Variants in TMEM209 observed in about 807,000 individuals in gnomAD.
The protein encoded by TMEM209 is testicular tissue protein Li 202.
TMEM209 carries 65 observed loss-of-function variants against 76.2 expected under a neutral mutation model. The ratio of observed to expected loss-of-function variants is 0.85; its 90% CI spans 0.70 to 1.05. The LOEUF (loss-of-function observed/expected upper bound fraction) is 1.05, where lower values mean the gene tolerates loss of function less well. Ranked by LOEUF, TMEM209 falls within the 50% of genes least tolerant of loss-of-function variation. The pLI is 0.00. For missense variants in TMEM209, 623 were observed against 685.5 expected, an observed-to-expected ratio of 0.91 and a Z score of 1.02; for synonymous variants, 239 against 237.6, an observed-to-expected ratio of 1.01 and a Z score of -0.06.
intron 6 of TMEM209, among the ~76,000 whole-genome samples, chr7:130,186,071 G>GC (rs896064301): frequency 4.4e-4 from 67 of 152,128 alleles, no homozygotes; most frequent in African/African-American, 1.5e-3. Flanking sequence ...TTTTTCCCTA[G>GC]CATCTAGCAT....
At chr7:130,174,031 C>T in intron 11 of TMEM209, 92 bp from the exon 12 acceptor site, 2 of 832,870 alleles carry the variant, frequency 2.4e-6, no homozygotes, top group South Asian at 1.9e-5. Flanking sequence ...TATAACGATT[C>T]CAATTAAAAA....
At chr7:130,183,712 G>T (rs1354659300) in intron 8 of TMEM209, among the ~76,000 whole-genome samples, 1 of 152,112 alleles carries the variant, frequency 6.6e-6, no homozygotes, top group Non-Finnish European at 1.5e-5. Context: ...CTCTGTATAT[G>T]GAAAAGTTGG....
At position 130,171,750 on chromosome 7, in the gene TMEM209, A is replaced by C. The variant is rs185505795; in HGVS notation, c.1558-1277T>G. 1.6e-3 allele frequency among the ~76,000 whole-genome samples: 248 copies of C among 152,286 alleles called. 1 individual carries two copies. Among genetic ancestry groups the C allele is most frequent in the African/African-American group, 5.6e-3 (234 of 41,560 alleles). The stretch of plus-strand genomic sequence containing the variant: ...TGCTTGTAATTAAGAGTAAAAAACC[A>C]GTGTGGCAGCTCATGCCTGTTATCA... On this transcript the variant is annotated intron_variant, in intron 13 of 14. Coordinates refer to ENST00000397622, the MANE Select transcript of TMEM209 (RefSeq NM_032842.4).
At chr7:130,170,736 G>T (rs1797041003) in intron 13 of TMEM209, among the ~76,000 whole-genome samples, 1 of 152,192 alleles carries the variant, frequency 6.6e-6, no homozygotes, top group Non-Finnish European at 1.5e-5. Context: ...AACAAAGTGT[G>T]AGGAATGCTA....
intron 6 of TMEM209, among the ~76,000 whole-genome samples, chr7:130,187,767 A>G (rs1797650499): frequency 6.6e-6 from 1 of 152,190 alleles, no homozygotes; most frequent in Non-Finnish European, 1.5e-5. Context: ...CTCCAAGCTT[A>G]GAAATTACTT....
intron 5 of TMEM209, among the ~76,000 whole-genome samples, chr7:130,199,198 AT>A (rs1209951993): frequency 6.6e-6 from 1 of 151,904 alleles, no homozygotes; most frequent in African/African-American, 2.4e-5. Context: ...CTTTCCTGAT[AT>A]GCCTTTGTCA....
intron 3 of TMEM209, among the ~76,000 whole-genome samples, chr7:130,203,307 C>T (rs956890407): frequency 1.3e-5 from 2 of 152,184 alleles, no homozygotes; most frequent in Admixed American, 6.6e-5. Context: ...CCCAACTTGG[C>T]ACACTATCTC....
intron 5 of TMEM209, among the ~76,000 whole-genome samples, chr7:130,196,449 T>C (rs1012432422): frequency 6.6e-6 from 1 of 152,082 alleles, no homozygotes; most frequent in African/African-American, 2.4e-5. Context: ...GAAACAAAGA[T>C]GAATAAAAAC....
At chr7:130,199,241 C>CA (rs1455046416) in intron 5 of TMEM209, among the ~76,000 whole-genome samples, 13 of 150,590 alleles carry the variant, frequency 8.6e-5, no homozygotes, top group Non-Finnish European at 1.8e-4. Flanking sequence ...TTTTTTGAGA[C>CA]AGAGTCTTGC....
chr7:130,203,927 G>A (rs1307619515), intron 2 of TMEM209, 47 bp downstream of exon 2: 1 of 1,605,228 alleles, frequency 6.2e-7, no homozygotes, highest in African/African-American at 1.3e-5. Flanking sequence ...TGTGGAACCA[G>A]CCACTGGCTT....
chr7:130,199,499 C>A (rs905954848), intron 5 of TMEM209, among the ~76,000 whole-genome samples: 2 of 152,118 alleles, frequency 1.3e-5, no homozygotes, highest in Non-Finnish European at 2.9e-5. Context: ...GGATTACAGG[C>A]GTGACCCGCT....
chr7:130,201,972 T>C lies in TMEM209; in HGVS notation c.451A>G (p.Ser151Gly), dbSNP rs758236576. The change falls in exon 5 of 15, where the codon AGT (serine) becomes GGT (glycine). Residue 151 changes from serine to glycine, a missense_variant. Ser to Gly is a moderately conservative substitution (Grantham distance 56, BLOSUM62 0). Transcript: ENST00000397622. ...ATACAGCTGGTGGTGAACTTGGGAC[T>C]GGTACTGGGCGAACGAGAAGGGCTA... is the stretch of plus-strand genomic sequence containing the variant. ...SYSPSRSPST[S>G]PKFTTSCMTG... The C allele has an allele frequency of 1.9e-6, 3 of 1,613,812 alleles. No individual in the cohort carries two copies. The highest frequency in any genetic ancestry group is 2.5e-6 in the Non-Finnish European group (3 of 1,179,890).
chr7:130,195,608 A>C (rs1159574405), intron 5 of TMEM209, among the ~76,000 whole-genome samples: 1 of 148,124 alleles, frequency 6.8e-6, no homozygotes, highest in Non-Finnish European at 1.5e-5. Context: ...CCTGGTCATC[A>C]ATTATTCCTT....
intron 13 of TMEM209, among the ~76,000 whole-genome samples, chr7:130,171,265 T>C (rs1459569724): frequency 6.6e-6 from 1 of 152,214 alleles, no homozygotes; most frequent in East Asian, 1.9e-4. Flanking sequence ...AAATAACATA[T>C]TAAATATAAA....
chr7:130,192,937 A>C, intron 5 of TMEM209, 114 bp from the exon 6 acceptor site: 1 of 942,768 alleles, frequency 1.1e-6, no homozygotes, highest in South Asian at 1.6e-5. Flanking sequence ...CAATACTGAC[A>C]ACATCAAACG....
intron 10 of TMEM209, among the ~76,000 whole-genome samples, chr7:130,177,016 C>A (rs371170989): frequency 1.7e-5 from 2 of 115,118 alleles, no homozygotes; most frequent in South Asian, 3.1e-4. Flanking sequence ...GGTGACAGAG[C>A]GAGCCGGGTC....
intron 1 of TMEM209, 168 bp downstream of exon 1, chr7:130,205,205 G>A: frequency 1.3e-6 from 2 of 1,554,808 alleles, no homozygotes; most frequent in South Asian, 2.3e-5. Context: ...CGGCTCCTGG[G>A]CACGAACTTC....
intron 14 of TMEM209, among the ~76,000 whole-genome samples, chr7:130,167,380 A>G (rs936760499): frequency 1.3e-5 from 2 of 152,134 alleles, no homozygotes; most frequent in Non-Finnish European, 2.9e-5. Flanking sequence ...ACTACAAATA[A>G]TATCAAATTT....
At chr7:130,175,705 T>TA in intron 10 of TMEM209, 96 bp from the exon 11 acceptor site, 2 of 964,584 alleles carry the variant, frequency 2.1e-6, no homozygotes, top group South Asian at 1.7e-5. Flanking sequence ...GCAAATCATT[T>TA]AAAAAACTTG....
Sources: allele counts gnomAD v4.1 joint callset (sites outside exome capture counted in the v4.1 genomes callset), GRCh38; gene constraint gnomAD v4.1.1; transcripts MANE v1.5; gene names NCBI Gene and HGNC (gene_info 2026-07-23, HGNC 2026-07-21).